OLFM3: variants seen among roughly 807,000 people sequenced by gnomAD.
OLFM3 encodes noelin-3.
Under a neutral mutation model 48.6 loss-of-function variants are expected in OLFM3, and 20 were observed. The observed-to-expected ratio is 0.41, with a 90% confidence interval of 0.29 to 0.60. The LOEUF is 0.60. OLFM3 is among the 20% of genes least tolerant of loss of function. The pLI, the probability that OLFM3 is intolerant of heterozygous loss-of-function variation, is 0.28. For missense variants in OLFM3, 437 were observed against 544.3 expected, an observed-to-expected ratio of 0.80 and a Z score of 1.96; for synonymous variants, 222 against 198.1, an observed-to-expected ratio of 1.12 and a Z score of -1.01.
intron 1 of OLFM3, among the ~76,000 whole-genome samples, chr1:101,880,944 G>A (rs1570591344): frequency 6.6e-6 from 1 of 151,786 alleles, no homozygotes. Context: ...TAGTACCAAA[G>A]CATTACCACA....
intron 1 of OLFM3, among the ~76,000 whole-genome samples, chr1:101,841,449 G>A (rs985404144): frequency 6.6e-6 from 1 of 152,200 alleles, no homozygotes; most frequent in Non-Finnish European, 1.5e-5. Context: ...TTGGATAAAT[G>A]TAGATAGATC....
chr1:101,930,729 T>C lies in OLFM3; in HGVS notation c.69+66019A>G, dbSNP rs561906560. ...CTCAAGGGAGATCCAGAATCTCTTG[T>C]AGAGGAGCTGCCGTTATGATCTTTC... On this transcript the variant is annotated intron_variant, in intron 1 of 5. Transcript: ENST00000370103. Among the ~76,000 whole-genome samples the C allele has an allele frequency of 3.3e-5, 5 of 152,314 alleles. No homozygotes were observed. In the South Asian group the frequency reaches 8.3e-4, roughly 25 times the overall value.
intron 1 of OLFM3, chr1:101,846,907 A>T: frequency 6.2e-7 from 1 of 1,612,798 alleles, no homozygotes; most frequent in Non-Finnish European, 8.5e-7. Flanking sequence ...AGAGTTTGGG[A>T]CATCCAGTTT....
intron 4 of OLFM3, among the ~76,000 whole-genome samples, chr1:101,823,219 T>C (rs1251880192): frequency 6.6e-6 from 1 of 152,058 alleles, no homozygotes; most frequent in African/African-American, 2.4e-5. Flanking sequence ...AGACACATTA[T>C]GCTACACATG....
chr1:101,977,309 T>C lies in OLFM3; in HGVS notation c.69+19439A>G, dbSNP rs185168297. Among the ~76,000 whole-genome samples, 408 of 152,320 alleles carry C rather than the reference T, an allele frequency of 2.7e-3. 1 individual carries two copies. Among genetic ancestry groups the C allele is most frequent in the Middle Eastern group, 6.8e-3 (2 of 294 alleles). On this transcript the variant is annotated intron_variant, in intron 1 of 5. Transcript: ENST00000370103. ...AATTTTTGAGTTTTTGGAGATATTC[T>C]ACCTTGTTTAAGAGTTAGAACAAAA...
At chr1:101,899,969 C>CAT (rs1381745498) in intron 1 of OLFM3, among the ~76,000 whole-genome samples, 2 of 152,110 alleles carry the variant, frequency 1.3e-5, no homozygotes, top group African/African-American at 4.8e-5. Flanking sequence ...CCTTTTCTGT[C>CAT]ATATTATTAC....
At chr1:101,983,351 C>T (rs1172173544) in intron 1 of OLFM3, among the ~76,000 whole-genome samples, 6 of 152,164 alleles carry the variant, frequency 3.9e-5, no homozygotes, top group African/African-American at 1.4e-4. Context: ...CTCTCTTATC[C>T]TCCATTCTGC....
intron 4 of OLFM3, chr1:101,812,779 A>G (rs1654132587): frequency 1.0e-6 from 1 of 988,730 alleles, no homozygotes. Context: ...ACATTGGGTG[A>G]CCATGGTAAA....
intron 1 of OLFM3, among the ~76,000 whole-genome samples, chr1:101,966,785 T>C (rs1227861229): frequency 2.0e-5 from 3 of 152,184 alleles, no homozygotes; most frequent in African/African-American, 4.8e-5. Context: ...TACACTGATA[T>C]GGTCTTTCTG....
intron 1 of OLFM3, among the ~76,000 whole-genome samples, chr1:101,858,195 T>C (rs1656507255): frequency 6.6e-6 from 1 of 152,120 alleles, no homozygotes; most frequent in Admixed American, 6.5e-5. Flanking sequence ...TCCCTTTCAA[T>C]AATATGTGTA....
At chr1:101,940,341 CA>C (rs1430787707) in intron 1 of OLFM3, among the ~76,000 whole-genome samples, 5 of 134,724 alleles carry the variant, frequency 3.7e-5, no homozygotes, top group African/African-American at 7.8e-5. Context: ...TGTTTTGGAA[CA>C]TTTTTTTTTT....
intron 1 of OLFM3, among the ~76,000 whole-genome samples, chr1:101,950,239 C>G (rs559299350): frequency 6.6e-6 from 1 of 152,172 alleles, no homozygotes; most frequent in South Asian, 2.1e-4. Context: ...CCACTAAAAC[C>G]TTTTACTATC....
At chr1:101,838,138 A>C (rs1655527794) in intron 1 of OLFM3, among the ~76,000 whole-genome samples, 1 of 152,100 alleles carries the variant, frequency 6.6e-6, no homozygotes, top group Admixed American at 6.6e-5. Flanking sequence ...AGCTCACTGC[A>C]ACCTCTGCTT....
intron 1 of OLFM3, among the ~76,000 whole-genome samples, chr1:101,922,101 A>C (rs1421475506): frequency 2.0e-5 from 3 of 152,056 alleles, no homozygotes; most frequent in Non-Finnish European, 4.4e-5. Context: ...CACAAGACAC[A>C]AGAGAGGGTG....
intron 1 of OLFM3, among the ~76,000 whole-genome samples, chr1:101,959,347 T>A (rs1397952344): frequency 2.6e-5 from 4 of 152,040 alleles, no homozygotes; most frequent in Non-Finnish European, 4.4e-5. Flanking sequence ...CTTTTTTTTT[T>A]TTTTTAACTT....
intron 1 of OLFM3, among the ~76,000 whole-genome samples, chr1:101,933,810 C>T (rs1191557032): frequency 6.6e-6 from 1 of 152,000 alleles, no homozygotes. Flanking sequence ...GGCCTATATA[C>T]AGCATTCTTA....
At chr1:101,881,007 T>C (rs1001626477) in intron 1 of OLFM3, among the ~76,000 whole-genome samples, 2 of 151,840 alleles carry the variant, frequency 1.3e-5, no homozygotes, top group African/African-American at 4.8e-5. Flanking sequence ...AAATAAAATA[T>C]GCAAGTCTTC....
At chr1:101,866,526 G>A (rs1656863634) in intron 1 of OLFM3, among the ~76,000 whole-genome samples, 1 of 151,734 alleles carries the variant, frequency 6.6e-6, no homozygotes, top group Non-Finnish European at 1.5e-5. Context: ...TAAATGTCAA[G>A]GTATATTAGG....
chr1:101,924,130 T>C lies in OLFM3; in HGVS notation c.69+72618A>G, dbSNP rs1659187184. Among the ~76,000 whole-genome samples, 4 of 152,308 alleles carry C rather than the reference T, an allele frequency of 2.6e-5. No individual in the cohort carries two copies. In the South Asian group the frequency reaches 8.3e-4, roughly 32 times the overall value. On this transcript the variant is annotated intron_variant, in intron 1 of 5. Coordinates refer to ENST00000370103, the MANE Select transcript of OLFM3 (RefSeq NM_058170.4). ...GAAAATGCTTTCATTGTGCATATTT[T>C]GCTTAGAAAATGAACCAGCTTCGTT...
Sources: gnomAD v4.1 joint callset for allele counts (sites outside exome capture counted in the v4.1 genomes callset) on GRCh38, gnomAD v4.1.1 for gene constraint, MANE v1.5 for transcripts, NCBI Gene and HGNC (gene_info 2026-07-23, HGNC 2026-07-21) for gene names.